CSMD2: variants seen among roughly 807,000 people sequenced by gnomAD.
CSMD2 encodes CUB and Sushi multiple domains 2.
CSMD2 carries 130 observed loss-of-function variants against 398.5 expected under a neutral mutation model. The ratio of observed to expected loss-of-function variants is 0.33; its 90% CI spans 0.28 to 0.38. The LOEUF (loss-of-function observed/expected upper bound fraction) is 0.38, where lower values mean the gene tolerates loss of function less well. Among genes scored for constraint, CSMD2 ranks in the 10% least tolerant of loss-of-function variants. The probability of loss-of-function intolerance (pLI) is 1.00; values close to 1 mark genes in which losing one functional copy is unlikely to be tolerated. For missense variants in CSMD2, 3,829 were observed against 4,764.9 expected (o/e 0.80, Z 5.78); for synonymous variants, 1,828 against 1,908.5 (o/e 0.96, Z 1.10).
rs1642240401 is a variant in CSMD2, at chr1:33,628,126, GGAAGAAGGATCT to G, written c.5201-1557_5201-1546del. Among the ~76,000 whole-genome samples the G allele has an allele frequency of 2.6e-5, 4 of 152,292 alleles. No individual in the cohort carries two copies. The South Asian group carries it at 8.3e-4, about 32-fold the overall frequency. ...CTAGCATTGCATCTGTGAAGTCAGA[GGAAGAAGGATCT>G]GAGATCAATAAAGGCTGCAAAGAGA... On this transcript the variant is annotated intron_variant, in intron 32 of 70. Coordinates refer to ENST00000373381, the MANE Select transcript of CSMD2 (RefSeq NM_001281956.2).
At chr1:33,573,282 C>T (rs967810262) in intron 49 of CSMD2, among the ~76,000 whole-genome samples, 3 of 152,132 alleles carry the variant, frequency 2.0e-5, no homozygotes, top group Non-Finnish European at 4.4e-5. Flanking sequence ...GAAAAATCAA[C>T]CTGGCCCTTA....
chr1:33,711,925 C>CA (rs1367566621), intron 21 of CSMD2, among the ~76,000 whole-genome samples: 1 of 152,102 alleles, frequency 6.6e-6, no homozygotes, highest in Non-Finnish European at 1.5e-5. Flanking sequence ...AGGGAGGGGA[C>CA]AGGAGGGATA....
chr1:33,587,960 A>G (rs563891932), intron 44 of CSMD2, among the ~76,000 whole-genome samples: 1 of 152,236 alleles, frequency 6.6e-6, no homozygotes, highest in South Asian at 2.1e-4. Context: ...TATATTAAAA[A>G]AGTGTTCTTT....
intron 3 of CSMD2, among the ~76,000 whole-genome samples, chr1:33,939,392 T>TGTGG (rs1644592098): frequency 6.6e-6 from 1 of 151,808 alleles, no homozygotes; most frequent in South Asian, 2.1e-4. Flanking sequence ...TGCTTATGAG[T>TGTGG]GTGGGGTGGG....
intron 3 of CSMD2, among the ~76,000 whole-genome samples, chr1:34,010,524 C>T (rs1647216885): frequency 6.6e-6 from 1 of 152,116 alleles, no homozygotes; most frequent in Admixed American, 6.5e-5. Flanking sequence ...GTGACTGGCC[C>T]GAGGTCACAA....
intron 3 of CSMD2, among the ~76,000 whole-genome samples, chr1:33,956,359 CTT>C (rs1367707620): frequency 6.6e-6 from 1 of 152,186 alleles, no homozygotes; most frequent in Non-Finnish European, 1.5e-5. Context: ...CACCAGTCTA[CTT>C]TCTGTCTCTA....
At chr1:33,894,685 T>G (rs759091185) in intron 5 of CSMD2, among the ~76,000 whole-genome samples, 24 of 152,332 alleles carry the variant, frequency 1.6e-4, no homozygotes, top group Non-Finnish European at 3.1e-4. Context: ...TGCTTCCTAA[T>G]AGAACACTTG....
rs1190099855 is a variant in CSMD2, at chr1:34,123,025, G to A, written c.188-33832C>T. Among the ~76,000 whole-genome samples the A allele has an allele frequency of 4.6e-5, 7 of 152,300 alleles. No homozygotes were observed. The East Asian group carries it at 1.4e-3, about 29-fold the overall frequency. ...CCCCATATGTAATGAGCAGCCTGAG[G>A]TTAAGTGGTGCTATTTTTGTCTGTA... is the stretch of plus-strand genomic sequence containing the variant. On this transcript the variant is annotated intron_variant, in intron 1 of 70. Coordinates refer to ENST00000373381, the MANE Select transcript of CSMD2 (RefSeq NM_001281956.2).
At chr1:33,663,214 G>T in intron 25 of CSMD2, 122 bp from the exon 26 acceptor site, 1 of 765,764 alleles carries the variant, frequency 1.3e-6, no homozygotes, top group Non-Finnish European at 2.1e-6. Flanking sequence ...AACCTCCGAA[G>T]CCCAGCAGGA....
At position 33,635,483 on chromosome 1, in the gene CSMD2, T is replaced by A. The variant is rs562237841; in HGVS notation, c.4970-153A>T. 6.6e-6 allele frequency among the ~76,000 whole-genome samples: 1 copy of A among 152,346 alleles called. No homozygotes were observed. Among genetic ancestry groups the A allele is most frequent in the African/African-American group, 2.4e-5 (1 of 41,586 alleles). ...TGGAGAAGGCAAGTCCTGCGGACCC[T>A]GCCCTGCCCAAGAACGTGCACCCCT... On this transcript the variant is annotated intron_variant, in intron 30 of 70. Coordinates refer to ENST00000373381, the MANE Select transcript of CSMD2 (RefSeq NM_001281956.2). This position sits in a 1 kb window ranked among gnomAD's most constrained non-coding sequence, Gnocchi z 5.0.
At chr1:33,646,480 C>T (rs1643433677) in intron 29 of CSMD2, among the ~76,000 whole-genome samples, 168 bp downstream of exon 29, 1 of 152,148 alleles carries the variant, frequency 6.6e-6, no homozygotes, top group African/African-American at 2.4e-5. Flanking sequence ...AGACTAAGCC[C>T]AGATGGGGGC....
intron 3 of CSMD2, among the ~76,000 whole-genome samples, chr1:33,994,471 A>G (rs938096624): frequency 2.6e-5 from 4 of 152,004 alleles, no homozygotes; most frequent in Admixed American, 2.6e-4. Context: ...TGTCTTTTAC[A>G]TATGTTTAGG....
At chr1:33,699,729 G>A (rs1390619323) in intron 23 of CSMD2, among the ~76,000 whole-genome samples, 1 of 152,206 alleles carries the variant, frequency 6.6e-6, no homozygotes, top group African/African-American at 2.4e-5. Context: ...CACCTAATGT[G>A]TACAATCCAA....
intron 5 of CSMD2, chr1:33,864,263 A>G (rs1639784902): frequency 6.2e-7 from 1 of 1,613,152 alleles, no homozygotes; most frequent in Non-Finnish European, 8.5e-7. Flanking sequence ...TGAATTACAG[A>G]AACAAATTCA....
chr1:34,108,281 GAGA>G (rs979306059), intron 1 of CSMD2, among the ~76,000 whole-genome samples: 2 of 151,386 alleles, frequency 1.3e-5, no homozygotes, highest in African/African-American at 2.4e-5. Context: ...ATGAGAGAGA[GAGA>G]AAAAAAAACC....
At chr1:33,525,352 A>G (rs1455866145) in intron 65 of CSMD2, among the ~76,000 whole-genome samples, 1 of 152,278 alleles carries the variant, frequency 6.6e-6, no homozygotes, top group East Asian at 1.9e-4. Flanking sequence ...TACATACACT[A>G]TGGAATACTA....
At chr1:33,580,685 CT>C in intron 48 of CSMD2, 67 bp downstream of exon 48, 2 of 1,568,370 alleles carry the variant, frequency 1.3e-6, no homozygotes, top group South Asian at 2.4e-5. Context: ...GCCGCCCGGT[CT>C]CCACAGAGGA....
At chr1:33,572,389 AT>A in intron 50 of CSMD2, 116 bp downstream of exon 50, 2 of 865,752 alleles carry the variant, frequency 2.3e-6, no homozygotes, top group Non-Finnish European at 3.3e-6. Context: ...CTCCATGTCC[AT>A]GTTTTTTTTT....
At chr1:33,540,833 T>A (rs1255376661) in intron 59 of CSMD2, 135 bp from the exon 60 acceptor site, 1 of 974,894 alleles carries the variant, frequency 1.0e-6, no homozygotes, top group African/African-American at 1.6e-5. Flanking sequence ...AATGGGGCCC[T>A]CTTACTGTGG....
Sources: allele counts gnomAD v4.1 joint callset (sites outside exome capture counted in the v4.1 genomes callset), GRCh38; gene constraint gnomAD v4.1.1; non-coding constraint Gnocchi (gnomAD v3.1); transcripts MANE v1.5; gene names NCBI Gene and HGNC (gene_info 2026-07-23, HGNC 2026-07-21).